The following OPCML variants were observed in gnomAD, a reference collection of about 807,000 sequenced individuals.
OPCML encodes opioid-binding protein/cell adhesion molecule.
Under a neutral mutation model 37.8 loss-of-function variants are expected in OPCML, and 13 were observed. The ratio of observed to expected loss-of-function variants is 0.34; its 90% CI spans 0.22 to 0.55. The LOEUF is 0.55. Ranked by LOEUF, OPCML falls within the 20% of genes least tolerant of loss-of-function variation. The pLI is 0.91. For synonymous variants in OPCML, 176 were observed against 168.8 expected (o/e 1.04, Z -0.33); for missense variants, 341 against 435.6 (o/e 0.78, Z 1.93).
At chr11:133,199,601 G>C (rs1248759692) in intron 1 of OPCML, among the ~76,000 whole-genome samples, 3 of 152,080 alleles carry the variant, frequency 2.0e-5, no homozygotes, top group African/African-American at 7.2e-5. Flanking sequence ...AGAAGTCTTG[G>C]TTCCACTTGT....
At chr11:132,890,446 C>T (rs11223264) in intron 2 of OPCML, among the ~76,000 whole-genome samples, 45,509 of 151,996 alleles carry the variant, frequency 0.3, 7,178 homozygotes, top group African/African-American at 0.35. Context: ...AGAAAAATCA[C>T]TGAGTTTCTA....
intron 2 of OPCML, among the ~76,000 whole-genome samples, chr11:132,934,259 T>C (rs1005917570): frequency 6.6e-5 from 10 of 152,126 alleles, no homozygotes; most frequent in Non-Finnish European, 4.4e-5. Flanking sequence ...GAAGAGATCC[T>C]GGCAGGACAA....
chr11:133,020,825 AT>A (rs1169624091), intron 1 of OPCML, among the ~76,000 whole-genome samples: 20 of 152,362 alleles, frequency 1.3e-4, no homozygotes, highest in African/African-American at 4.8e-4. Flanking sequence ...GTACACGCCA[AT>A]TAAAACAAAT....
At chr11:132,864,980 G>C (rs574484419) in intron 2 of OPCML, among the ~76,000 whole-genome samples, 318 of 152,372 alleles carry the variant, frequency 2.1e-3, no homozygotes, top group African/African-American at 7.5e-3. Flanking sequence ...GCGAGCCCCT[G>C]GCTGCCACAG....
intron 4 of OPCML, among the ~76,000 whole-genome samples, chr11:132,486,679 C>CCTTT (rs1290902984): frequency 1.3e-5 from 2 of 149,856 alleles, no homozygotes; most frequent in Non-Finnish European, 3.0e-5. Context: ...TTTCTTTATT[C>CCTTT]CTTTCTTTCT....
At chr11:132,524,459 A>G (rs540692087) in intron 4 of OPCML, among the ~76,000 whole-genome samples, 1 of 152,326 alleles carries the variant, frequency 6.6e-6, no homozygotes, top group East Asian at 1.9e-4. Context: ...TAGCAGATCT[A>G]TATAAATATT....
chr11:132,519,584 G>A (rs2096287750), intron 4 of OPCML, among the ~76,000 whole-genome samples: 1 of 152,054 alleles, frequency 6.6e-6, no homozygotes, highest in South Asian at 2.1e-4. Flanking sequence ...AGCAAAGGGG[G>A]AAAACATATG....
chr11:132,944,341 G>A (rs931221544), intron 1 of OPCML, among the ~76,000 whole-genome samples: 7 of 152,128 alleles, frequency 4.6e-5, no homozygotes, highest in African/African-American at 1.4e-4. Context: ...CCCTGCCCAC[G>A]CCAGATGGGG....
chr11:132,559,269 G>A (rs1009118179), intron 3 of OPCML, among the ~76,000 whole-genome samples: 1 of 152,050 alleles, frequency 6.6e-6, no homozygotes, highest in Non-Finnish European at 1.5e-5. Context: ...AAGGAAGCAG[G>A]TCTGCAGAAA....
At chr11:132,725,778 CAA>C (rs34622834) in intron 2 of OPCML, among the ~76,000 whole-genome samples, 19 of 73,902 alleles carry the variant, frequency 2.6e-4, no homozygotes, top group Admixed American at 3.3e-4. Context: ...GACTCCATCT[CAA>C]AAAAAAAAAA....
At chr11:132,681,346 A>T (rs1942933464) in intron 2 of OPCML, among the ~76,000 whole-genome samples, 1 of 152,156 alleles carries the variant, frequency 6.6e-6, no homozygotes. Context: ...CACTGACTTG[A>T]CTGGCAGAGA....
At chr11:132,850,945 G>C (rs1261502967) in intron 2 of OPCML, among the ~76,000 whole-genome samples, 1 of 152,208 alleles carries the variant, frequency 6.6e-6, no homozygotes, top group Non-Finnish European at 1.5e-5. Context: ...ATATAGAACA[G>C]AGGTTATTCA....
At chr11:133,478,420 G>A (rs1210081782) in intron 1 of OPCML, among the ~76,000 whole-genome samples, 2 of 152,108 alleles carry the variant, frequency 1.3e-5, no homozygotes, top group Admixed American at 6.5e-5. Context: ...CTGAATTTGA[G>A]AGAACAGGGA....
intron 2 of OPCML, among the ~76,000 whole-genome samples, chr11:132,675,270 CTT>C (rs1325445036): frequency 2.0e-5 from 3 of 150,938 alleles, no homozygotes; most frequent in South Asian, 2.1e-4. Flanking sequence ...TAAAAACAAA[CTT>C]ATCTGCATAT....
chr11:133,070,719 T>C (rs1948518927), intron 1 of OPCML, among the ~76,000 whole-genome samples: 1 of 152,200 alleles, frequency 6.6e-6, no homozygotes, highest in South Asian at 2.1e-4. Context: ...TATAATTAGT[T>C]CCCATTGCCT....
chr11:132,570,755 GTATATATATATA>G (rs71477765), intron 3 of OPCML, among the ~76,000 whole-genome samples: 630 of 30,122 alleles, frequency 0.021, 13 homozygotes, highest in African/African-American at 0.022. Context: ...AGGAAAGAGA[GTATATATATATA>G]TATATATATA....
At chr11:132,934,338 C>T (rs1022746123) in intron 2 of OPCML, among the ~76,000 whole-genome samples, 1 of 152,064 alleles carries the variant, frequency 6.6e-6, no homozygotes, top group Admixed American at 6.5e-5. Flanking sequence ...GGACTAAGAC[C>T]CATTGACAAG....
intron 4 of OPCML, among the ~76,000 whole-genome samples, chr11:132,481,057 T>C (rs1412117308): frequency 6.6e-6 from 1 of 152,248 alleles, no homozygotes; most frequent in African/African-American, 2.4e-5. Context: ...TAAATGTAAA[T>C]GTTACATTTA....
At chr11:132,698,070 T>C (rs758087870) in intron 2 of OPCML, among the ~76,000 whole-genome samples, 26 of 151,830 alleles carry the variant, frequency 1.7e-4, no homozygotes, top group Non-Finnish European at 3.2e-4. Context: ...GCCCAAGTAA[T>C]CCTTCTGTAT....
Sources: allele counts gnomAD v4.1 joint callset (sites outside exome capture counted in the v4.1 genomes callset), GRCh38; gene constraint gnomAD v4.1.1; transcripts MANE v1.5; gene names NCBI Gene and HGNC (gene_info 2026-07-23, HGNC 2026-07-21).